The following CACNA1A variants were observed in gnomAD, a reference collection of about 807,000 sequenced individuals.
CACNA1A encodes calcium voltage-gated channel subunit alpha1 A, also known as voltage-dependent P/Q-type calcium channel subunit alpha-1A.
CACNA1A carries 57 observed loss-of-function variants against 262.4 expected under a neutral mutation model. That is an observed-to-expected ratio of 0.22 (90% CI 0.18 to 0.27). CACNA1A has a LOEUF of 0.27. CACNA1A is among the 10% of genes least tolerant of loss of function. CACNA1A has a pLI of 1.00. For missense variants in CACNA1A, 2,526 were observed against 3,562.8 expected (o/e 0.71, Z 7.41); for synonymous variants, 1,431 against 1,419.3 (o/e 1.01, Z -0.18).
At chr19:13,208,447 T>TGAAAGGTCGGGCG (rs964830420) in intron 46 of CACNA1A, among the ~76,000 whole-genome samples, 2 of 149,352 alleles carry the variant, frequency 1.3e-5, no homozygotes, top group Non-Finnish European at 3.0e-5. Flanking sequence ...TAAAGGAAAG[T>TGAAAGGTCGGGCG]GAAAGGTCGG....
chr19:13,476,086 G>A (rs1343493980), intron 1 of CACNA1A, among the ~76,000 whole-genome samples: 1 of 152,176 alleles, frequency 6.6e-6, no homozygotes, highest in South Asian at 2.1e-4. Context: ...AATGCTAGTT[G>A]GTGCAACAGC....
At chr19:13,335,152 CT>C (rs568031279) in intron 7 of CACNA1A, among the ~76,000 whole-genome samples, 106 of 152,282 alleles carry the variant, frequency 7.0e-4, no homozygotes, top group African/African-American at 2.5e-3. Flanking sequence ...TATTTCAGCC[CT>C]CTTTTAAGTT....
chr19:13,271,892 T>C (rs1279601148), intron 24 of CACNA1A: 1 of 151,922 alleles, frequency 6.6e-6, no homozygotes, highest in Non-Finnish European at 1.5e-5. Flanking sequence ...GCCTCCCGAG[T>C]AGCTGAGATT....
chr19:13,278,080 T>TA (rs775678652), intron 22 of CACNA1A: 5,092 of 89,372 alleles, frequency 0.057, 400 homozygotes, highest in African/African-American at 0.18. Context: ...AGAGACTGTC[T>TA]AAAAAAAAAA....
rs34421754 is a variant in CACNA1A, at chr19:13,206,912, ATT to A, written c.*399_*400del. 2.7e-4 allele frequency: 14 copies of A among 51,804 alleles called. No homozygotes were observed. The South Asian group carries it at 4.3e-3, about 16-fold the overall frequency. The allele number at this position is 51,804 out of a possible 1,614,324, so 3.2% of individuals were successfully genotyped here. A position where few individuals can be genotyped will look rare whatever the true frequency, so the allele number is the denominator to read the frequency against. On this transcript the variant is annotated 3_prime_UTR_variant, in exon 47 of 47. Coordinates refer to ENST00000360228, the MANE Select transcript of CACNA1A (RefSeq NM_001127222.2). ...ATGATAAAACTCATCAATAGAAGCT[ATT>A]TTTTTCTCCCCGTTTTTTCTTTTAA...
intron 19 of CACNA1A, among the ~76,000 whole-genome samples, chr19:13,290,553 A>G (rs1315203003): frequency 6.6e-6 from 1 of 151,958 alleles, no homozygotes; most frequent in East Asian, 1.9e-4. Flanking sequence ...CTGGGATTGC[A>G]GGCACACACT....
At chr19:13,504,732 G>T (rs1300445638) in intron 1 of CACNA1A, among the ~76,000 whole-genome samples, 1 of 152,204 alleles carries the variant, frequency 6.6e-6, no homozygotes, top group African/African-American at 2.4e-5. Context: ...TGGCCAGCCA[G>T]CCTGGGCAGC....
intron 3 of CACNA1A, among the ~76,000 whole-genome samples, chr19:13,386,344 C>T (rs2059613150): frequency 6.6e-6 from 1 of 152,138 alleles, no homozygotes; most frequent in Admixed American, 6.5e-5. Flanking sequence ...CTAACAGGAT[C>T]TGGGTGAAAA....
intron 6 of CACNA1A, among the ~76,000 whole-genome samples, chr19:13,342,438 G>A (rs1267748099): frequency 6.6e-6 from 1 of 152,154 alleles, no homozygotes. Flanking sequence ...TTGCTCATTT[G>A]TTAAATTCAT....
chr19:13,318,136 T>C (rs919772104), intron 10 of CACNA1A, among the ~76,000 whole-genome samples: 4 of 151,886 alleles, frequency 2.6e-5, no homozygotes, highest in Non-Finnish European at 5.9e-5. Flanking sequence ...AATTTTTTTT[T>C]TAAGAGAAAA....
Position 13,217,950 on chromosome 19 carries a change from T to A in CACNA1A, c.5732-3342A>T, listed in dbSNP as rs8106793. Reference sequence around the variant, plus strand: ...TTCTTTTTTTTTTTTTTTTTTTTTTTTAAAAAAAAGAGATAGGGTCTCACT... The same window carrying A: ...TTCTTTTTTTTTTTTTTTTTTTTTTATAAAAAAAAGAGATAGGGTCTCACT... On this transcript the variant is annotated intron_variant, in intron 38 of 46. Coordinates refer to ENST00000360228, the MANE Select transcript of CACNA1A (RefSeq NM_001127222.2). 3.1e-4 allele frequency among the ~76,000 whole-genome samples: 23 copies of A among 73,570 alleles called. No individual in the cohort carries two copies. In the East Asian group the frequency reaches 9.7e-3, roughly 31 times the overall value. 48.3% of individuals were successfully genotyped at this position (73,570 alleles called of 152,430 possible). A position where few individuals can be genotyped will look rare whatever the true frequency, so the allele number is the denominator to read the frequency against.
At chr19:13,504,361 C>T (rs1982760398) in intron 1 of CACNA1A, among the ~76,000 whole-genome samples, 2 of 152,132 alleles carry the variant, frequency 1.3e-5, no homozygotes, top group African/African-American at 4.8e-5. Context: ...TAGAGGTATG[C>T]TCCCCTCAAA....
intron 5 of CACNA1A, among the ~76,000 whole-genome samples, chr19:13,360,582 A>T (rs2059091526): frequency 6.7e-6 from 1 of 148,458 alleles, no homozygotes; most frequent in South Asian, 2.1e-4. Context: ...GGTTCAAGGG[A>T]TTCTCCTGCC....
At chr19:13,363,227 T>C (rs1312025996) in intron 5 of CACNA1A, 3 of 151,514 alleles carry the variant, frequency 2.0e-5, no homozygotes, top group Non-Finnish European at 4.4e-5. Flanking sequence ...AAACATAAAA[T>C]AAAACTTCAC....
Position 13,464,263 on chromosome 19 carries a change from TTG to T in CACNA1A, c.294-9053_294-9052del, listed in dbSNP as rs1343932258. On this transcript the variant is annotated intron_variant, in intron 1 of 46. Coordinates refer to ENST00000360228, the MANE Select transcript of CACNA1A (RefSeq NM_001127222.2). ...AAAATAAGAAAACTAGCCAGGCATG[TTG>T]GCACATGCCTGTAGTCCTAGCTACT... Among the ~76,000 whole-genome samples, 3 of 152,226 alleles carry T rather than the reference TTG, an allele frequency of 2.0e-5. No homozygotes were observed. The East Asian group carries it at 5.8e-4, about 29-fold the overall frequency.
chr19:13,282,757 C>T (rs939204493), intron 22 of CACNA1A, among the ~76,000 whole-genome samples: 4 of 152,114 alleles, frequency 2.6e-5, no homozygotes, highest in Admixed American at 2.0e-4. Context: ...TCCTGGGACA[C>T]AGCAAGTGCT....
intron 21 of CACNA1A, 25 bp downstream of exon 21, chr19:13,285,042 CT>C (rs768149757): frequency 2.4e-5 from 39 of 1,613,572 alleles, no homozygotes; most frequent in Admixed American, 1.7e-4. Flanking sequence ...CAGGCCCCCC[CT>C]GCCCTTGCTG....
At chr19:13,297,626 C>T (rs1389209794) in intron 19 of CACNA1A, among the ~76,000 whole-genome samples, 2 of 152,124 alleles carry the variant, frequency 1.3e-5, no homozygotes, top group Non-Finnish European at 2.9e-5. Context: ...GCCTGGGAAA[C>T]ACAGTGAAAC....
intron 34 of CACNA1A, among the ~76,000 whole-genome samples, chr19:13,233,089 C>T (rs1476706365): frequency 1.3e-5 from 2 of 151,758 alleles, no homozygotes; most frequent in Non-Finnish European, 2.9e-5. Context: ...ATGAAGGTGA[C>T]AGTCATCTCA....
Sources: gnomAD v4.1 joint callset for allele counts (sites outside exome capture counted in the v4.1 genomes callset) on GRCh38, gnomAD v4.1.1 for gene constraint, MANE v1.5 for transcripts, NCBI Gene and HGNC (gene_info 2026-07-23, HGNC 2026-07-21) for gene names.